The following KHDRBS2 variants were observed in gnomAD, a reference collection of about 807,000 sequenced individuals.
KHDRBS2 encodes KH domain-containing, RNA-binding, signal transduction-associated protein 2.
KHDRBS2 carries 26 observed loss-of-function variants against 44.3 expected under a neutral mutation model. The observed-to-expected ratio is 0.59, with a 90% CI of 0.43 to 0.81. The LOEUF (loss-of-function observed/expected upper bound fraction) is 0.81, where lower values mean the gene tolerates loss of function less well. Among genes scored for constraint, KHDRBS2 ranks in the 40% least tolerant of loss-of-function variants. The pLI is 0.00. For missense variants in KHDRBS2, 476 were observed against 433.1 expected, an observed-to-expected ratio of 1.10 and a Z score of -0.88; for synonymous variants, 194 against 151.1, an observed-to-expected ratio of 1.28 and a Z score of -2.08.
chr6:61,653,747 T>C, the KHDRBS2 span, among the ~76,000 whole-genome samples: 2 of 151,970 alleles, frequency 1.3e-5, no homozygotes, highest in East Asian at 1.9e-4. Context: ...ACTGCAAGGA[T>C]AGTTACTTGG....
downstream of KHDRBS2, among the ~76,000 whole-genome samples, chr6:61,678,456 T>C (rs1766067193): frequency 1.3e-5 from 2 of 151,984 alleles, no homozygotes; most frequent in South Asian, 4.1e-4. Context: ...TTATTTTATT[T>C]TATTCTTATT....
the KHDRBS2 span, among the ~76,000 whole-genome samples, chr6:61,607,984 G>A: frequency 1.3e-5 from 2 of 152,034 alleles, no homozygotes; most frequent in African/African-American, 2.4e-5. Flanking sequence ...CACCATGCCC[G>A]GCCTAGAAAT....
intron 1 of KHDRBS2, among the ~76,000 whole-genome samples, chr6:62,239,005 G>A (rs962025557): frequency 6.6e-6 from 1 of 152,114 alleles, no homozygotes; most frequent in Non-Finnish European, 1.5e-5. Flanking sequence ...AGAATTCAAT[G>A]TTATGAAAGA....
At chr6:61,640,105 T>A in the KHDRBS2 span, among the ~76,000 whole-genome samples, 3 of 152,048 alleles carry the variant, frequency 2.0e-5, no homozygotes, top group African/African-American at 7.2e-5. Context: ...AAAATAATTA[T>A]CAGTTAGAGA....
chr6:62,176,156 C>T (rs1158486023), intron 2 of KHDRBS2, among the ~76,000 whole-genome samples: 3 of 151,286 alleles, frequency 2.0e-5, no homozygotes, highest in Non-Finnish European at 4.4e-5. Flanking sequence ...ATTTCTAAGA[C>T]TGCCCAATTT....
chr6:62,236,037 A>C (rs1233054643), intron 1 of KHDRBS2, among the ~76,000 whole-genome samples: 1 of 152,150 alleles, frequency 6.6e-6, no homozygotes, highest in Non-Finnish European at 1.5e-5. Flanking sequence ...TGAAAGTAAA[A>C]ATCAAAATCG....
chr6:62,171,059 C>A (rs1200554047), intron 2 of KHDRBS2, among the ~76,000 whole-genome samples: 4 of 150,932 alleles, frequency 2.7e-5, no homozygotes, highest in African/African-American at 7.3e-5. Context: ...ACTCAAAAAA[C>A]CAGAGTGTCT....
chr6:61,684,212 C>T (rs1054442964), intron 8 of KHDRBS2, among the ~76,000 whole-genome samples: 31 of 151,868 alleles, frequency 2.0e-4, no homozygotes, highest in Non-Finnish European at 4.1e-4. Context: ...TCCAGTGCCA[C>T]CATAGAGTGT....
intron 8 of KHDRBS2, among the ~76,000 whole-genome samples, chr6:61,689,413 GT>G (rs1767149140): frequency 6.6e-6 from 1 of 151,976 alleles, no homozygotes; most frequent in African/African-American, 2.4e-5. Context: ...ATAGCCTGGA[GT>G]CCCCCAAACT....
At chr6:61,921,060 C>T (rs187556318) in intron 4 of KHDRBS2, among the ~76,000 whole-genome samples, 362 of 151,898 alleles carry the variant, frequency 2.4e-3, no homozygotes, top group Middle Eastern at 0.01. Context: ...AACAGAAATG[C>T]TCAAGAAAAA....
chr6:61,978,350 T>C, intron 3 of KHDRBS2, 138 bp from the exon 4 acceptor site: 2 of 579,940 alleles, frequency 3.4e-6, no homozygotes, highest in Non-Finnish European at 2.9e-6. Flanking sequence ...AAGAAACCCT[T>C]TGAGAAATAA....
the KHDRBS2 span, among the ~76,000 whole-genome samples, chr6:61,579,375 G>A: frequency 1.3e-5 from 2 of 152,134 alleles, no homozygotes; most frequent in East Asian, 3.9e-4. Context: ...AGATACTGGG[G>A]AACCAAAGCA....
At chr6:62,229,170 G>C (rs1304224555) in intron 1 of KHDRBS2, among the ~76,000 whole-genome samples, 1 of 152,124 alleles carries the variant, frequency 6.6e-6, no homozygotes, top group Non-Finnish European at 1.5e-5. Flanking sequence ...CTTATGCCCA[G>C]GGAGATCAGA....
At chr6:61,591,452 A>C in the KHDRBS2 span, among the ~76,000 whole-genome samples, 4 of 152,216 alleles carry the variant, frequency 2.6e-5, no homozygotes, top group Admixed American at 6.5e-5. Flanking sequence ...AACAAAATAC[A>C]AAACATGATC....
At chr6:61,669,300 ATTG>A in the KHDRBS2 span, among the ~76,000 whole-genome samples, 17 of 151,060 alleles carry the variant, frequency 1.1e-4, no homozygotes, top group South Asian at 4.1e-4. Flanking sequence ...TACGGAAACA[ATTG>A]TTAGTCTCAC....
At chr6:61,552,834 C>T in the KHDRBS2 span, among the ~76,000 whole-genome samples, 438 of 152,206 alleles carry the variant, frequency 2.9e-3, 2 homozygotes, top group African/African-American at 1.0e-2. Flanking sequence ...AACCTTGCAT[C>T]CCAGATATAA....
chr6:61,577,058 A>C, the KHDRBS2 span, among the ~76,000 whole-genome samples: 4 of 152,084 alleles, frequency 2.6e-5, no homozygotes, highest in African/African-American at 9.7e-5. Flanking sequence ...TTATGTAATT[A>C]AATTTAACAG....
the KHDRBS2 span, among the ~76,000 whole-genome samples, chr6:61,625,198 G>A: frequency 6.6e-6 from 1 of 151,706 alleles, no homozygotes; most frequent in African/African-American, 2.4e-5. Flanking sequence ...TGACCTATCA[G>A]GAATGAGTAT....
At chr6:61,866,440 T>G (rs1382359691) in intron 6 of KHDRBS2, among the ~76,000 whole-genome samples, 5 of 152,190 alleles carry the variant, frequency 3.3e-5, no homozygotes, top group Non-Finnish European at 1.5e-5. Context: ...GTCCCTAGGC[T>G]GCACACAACA....
Sources: allele counts gnomAD v4.1 joint callset (sites outside exome capture counted in the v4.1 genomes callset), GRCh38; gene constraint gnomAD v4.1.1; transcripts MANE v1.5; gene names NCBI Gene and HGNC (gene_info 2026-07-23, HGNC 2026-07-21).